Variants in TAFA2 observed in about 807,000 individuals in gnomAD.
TAFA2 encodes the protein chemokine-like protein TAFA-2.
Under a neutral mutation model 18.8 loss-of-function variants are expected in TAFA2, and 7 were observed. That is an observed-to-expected ratio of 0.37 (90% CI 0.21 to 0.70). The LOEUF is 0.70. Among genes scored for constraint, TAFA2 ranks in the 30% least tolerant of loss-of-function variants. The pLI is 0.53. For missense variants in TAFA2, 122 were observed against 158.1 expected (o/e 0.77, Z 1.23); for synonymous variants, 60 against 54.2 (o/e 1.11, Z -0.47).
At chr12:61,765,876 C>T (rs1338261701) in intron 2 of TAFA2, among the ~76,000 whole-genome samples, 3 of 152,058 alleles carry the variant, frequency 2.0e-5, no homozygotes, top group East Asian at 3.9e-4. Flanking sequence ...AAACATAATC[C>T]TAATTCTATA....
intron 1 of TAFA2, among the ~76,000 whole-genome samples, chr12:62,073,142 G>A (rs1198966841): frequency 2.0e-5 from 3 of 152,144 alleles, no homozygotes; most frequent in Non-Finnish European, 4.4e-5. Context: ...ACAAAAGCAG[G>A]CAATACAGAT....
At chr12:61,850,148 T>C (rs1214529012) in intron 2 of TAFA2, among the ~76,000 whole-genome samples, 2 of 151,936 alleles carry the variant, frequency 1.3e-5, no homozygotes, top group Admixed American at 6.5e-5. Context: ...CAATATATAG[T>C]ATACCTGTGG....
chr12:61,955,747 A>G (rs1479963668), intron 1 of TAFA2, among the ~76,000 whole-genome samples: 2 of 148,990 alleles, frequency 1.3e-5, no homozygotes, highest in African/African-American at 5.0e-5. Context: ...AAATTGCAAA[A>G]CTAGAACTCC....
At chr12:61,737,031 G>A (rs7301397) in intron 4 of TAFA2, among the ~76,000 whole-genome samples, 130,797 of 151,870 alleles carry the variant, frequency 0.86, 56,356 homozygotes, top group African/African-American at 0.9. Context: ...CTATAATATT[G>A]TCAGTTAGTA....
intron 1 of TAFA2, among the ~76,000 whole-genome samples, chr12:62,238,386 A>G (rs1230454557): frequency 6.6e-6 from 1 of 152,148 alleles, no homozygotes; most frequent in Non-Finnish European, 1.5e-5. Context: ...TCCACTTCAC[A>G]TTTTGGTTAC....
In TAFA2 at chr12:62,155,822, A is replaced by G. The variant is rs555831063; in HGVS notation, c.-2+35437T>C. ...GATGGATTAAGGATTTAAAACTAAG[A>G]CCTGAAACTATGAAAATCTTAGAAG... On this transcript the variant is annotated intron_variant, in intron 1 of 4. Coordinates refer to ENST00000416284, the MANE Select transcript of TAFA2 (RefSeq NM_178539.5). Among the ~76,000 whole-genome samples the G allele has an allele frequency of 1.7e-3, 256 of 152,304 alleles. 1 individual carries two copies. The highest frequency in any genetic ancestry group is 5.7e-3 in the African/African-American group (237 of 41,564).
In TAFA2 at chr12:62,022,166, G is replaced by T. The variant is rs1217116299; in HGVS notation, c.-1-154740C>A. 3 of 405,652 alleles carry T rather than the reference G, an allele frequency of 7.4e-6. No individual in the cohort carries two copies. The Admixed American group carries it at 8.8e-5, about 12-fold the overall frequency. The allele number at this position is 405,652 out of a possible 1,614,324, so 25.1% of individuals were successfully genotyped here. On this transcript the variant is annotated intron_variant, in intron 1 of 4. Coordinates refer to ENST00000416284, the MANE Select transcript of TAFA2 (RefSeq NM_178539.5). ...GGCTAAGATAATGATTTCTGTCCTG[G>T]TTGGTGTAAAGGAAAGGCTTCTAAA...
chr12:62,125,997 T>A (rs1321032023), intron 1 of TAFA2, among the ~76,000 whole-genome samples: 1 of 152,058 alleles, frequency 6.6e-6, no homozygotes, highest in Non-Finnish European at 1.5e-5. Context: ...TTCGCATATA[T>A]TAGAATCCAG....
At chr12:61,956,571 A>G (rs866969116) in intron 1 of TAFA2, among the ~76,000 whole-genome samples, 23 of 151,828 alleles carry the variant, frequency 1.5e-4, no homozygotes, top group Admixed American at 7.9e-4. Flanking sequence ...TCACAGAAAA[A>G]CAGATGGTGT....
At chr12:61,869,934 A>T (rs1282031953) in intron 1 of TAFA2, among the ~76,000 whole-genome samples, 1 of 152,192 alleles carries the variant, frequency 6.6e-6, no homozygotes, top group African/African-American at 2.4e-5. Flanking sequence ...TGCTTAGCAT[A>T]ATTCTTGATA....
intron 1 of TAFA2, among the ~76,000 whole-genome samples, chr12:62,161,482 G>T (rs1270261726): frequency 1.3e-5 from 2 of 152,310 alleles, no homozygotes; most frequent in East Asian, 3.9e-4. Context: ...TCACCCATAA[G>T]TGGGAGCTAA....
At chr12:62,131,428 T>C (rs1870681326) in intron 1 of TAFA2, among the ~76,000 whole-genome samples, 1 of 152,026 alleles carries the variant, frequency 6.6e-6, no homozygotes, top group Admixed American at 6.6e-5. Context: ...TGTTAAAACA[T>C]TTAAAAAGTC....
intron 1 of TAFA2, among the ~76,000 whole-genome samples, chr12:62,012,729 A>G (rs747012931): frequency 5.9e-5 from 9 of 152,228 alleles, no homozygotes; most frequent in Non-Finnish European, 8.8e-5. Context: ...TTATCAATAA[A>G]AAAGCAAATC....
intron 1 of TAFA2, among the ~76,000 whole-genome samples, chr12:62,120,049 C>T (rs1451270963): frequency 2.7e-5 from 4 of 150,532 alleles, no homozygotes; most frequent in East Asian, 3.9e-4. Flanking sequence ...GGAAAAAGAG[C>T]GAAACTCCAT....
At chr12:61,727,753 T>C (rs1202697516) in intron 4 of TAFA2, among the ~76,000 whole-genome samples, 1 of 151,986 alleles carries the variant, frequency 6.6e-6, no homozygotes, top group Non-Finnish European at 1.5e-5. Flanking sequence ...TTCTGCTGGG[T>C]ATGGGTTTGG....
At chr12:62,202,474 T>A (rs1482007345) in intron 1 of TAFA2, among the ~76,000 whole-genome samples, 2 of 152,030 alleles carry the variant, frequency 1.3e-5, no homozygotes, top group African/African-American at 4.8e-5. Flanking sequence ...GCCTCCCTAG[T>A]AGCTGGGCAC....
intron 2 of TAFA2, among the ~76,000 whole-genome samples, chr12:61,828,366 A>G (rs1334203345): frequency 6.6e-6 from 1 of 151,926 alleles, no homozygotes; most frequent in Non-Finnish European, 1.5e-5. Flanking sequence ...AAAGAATTCT[A>G]TAACTAAAAT....
intron 2 of TAFA2, among the ~76,000 whole-genome samples, chr12:61,820,512 A>G (rs550006879): frequency 6.6e-6 from 1 of 152,040 alleles, no homozygotes; most frequent in Admixed American, 6.6e-5. Flanking sequence ...AGAGTAAGGA[A>G]TATAAAAAGA....
At chr12:61,885,940 T>G (rs1323223982) in intron 1 of TAFA2, among the ~76,000 whole-genome samples, 1 of 152,128 alleles carries the variant, frequency 6.6e-6, no homozygotes, top group African/African-American at 2.4e-5. Flanking sequence ...CTGTGCACAT[T>G]AGACAGCATG....
Sources: gnomAD v4.1 joint callset for allele counts (sites outside exome capture counted in the v4.1 genomes callset) on GRCh38, gnomAD v4.1.1 for gene constraint, MANE v1.5 for transcripts, NCBI Gene and HGNC (gene_info 2026-07-23, HGNC 2026-07-21) for gene names.